Variants in CDKL4 observed in about 807,000 individuals in gnomAD.
CDKL4 encodes the protein cyclin dependent kinase like 4, also known as cyclin-dependent kinase-like 4.
In CDKL4, 44 loss-of-function variants were observed where a neutral mutation model predicts 42.0. The observed-to-expected ratio is 1.05, with a 90% CI of 0.82 to 1.35. CDKL4 has a LOEUF of 1.35. CDKL4 is among the 40% of genes most tolerant of loss of function. The pLI is 0.00. For missense variants in CDKL4, 393 were observed against 369.9 expected, an observed-to-expected ratio of 1.06 and a Z score of -0.51; for synonymous variants, 120 against 121.6, an observed-to-expected ratio of 0.99 and a Z score of 0.09.
downstream of CDKL4, among the ~76,000 whole-genome samples, chr2:39,174,241 CAA>C (rs1675079661): frequency 6.6e-6 from 1 of 151,696 alleles, no homozygotes; most frequent in South Asian, 2.1e-4. Flanking sequence ...CGTATCTCTA[CAA>C]AAAAAGTTAA....
intron 7 of CDKL4, among the ~76,000 whole-genome samples, chr2:39,187,144 A>C (rs1037461911): frequency 2.0e-5 from 3 of 152,082 alleles, no homozygotes; most frequent in African/African-American, 7.2e-5. Flanking sequence ...TAAAAGTAGC[A>C]GTTTTCCCTT....
At chr2:39,190,758 G>T (rs998627131) in intron 5 of CDKL4, among the ~76,000 whole-genome samples, 4 of 152,110 alleles carry the variant, frequency 2.6e-5, no homozygotes, top group Non-Finnish European at 5.9e-5. Flanking sequence ...GGGATGGGGG[G>T]AATGAGAATT....
chr2:39,242,183 C>A (rs1187631698), intron 1 of CDKL4, among the ~76,000 whole-genome samples: 1 of 151,958 alleles, frequency 6.6e-6, no homozygotes, highest in Non-Finnish European at 1.5e-5. Flanking sequence ...GTAGCTGAGA[C>A]TACAGGCATG....
intron 2 of CDKL4, among the ~76,000 whole-genome samples, chr2:39,228,554 C>T (rs1002415931): frequency 6.6e-6 from 1 of 152,192 alleles, no homozygotes; most frequent in Non-Finnish European, 1.5e-5. Flanking sequence ...GGTCTTGTCA[C>T]ATAATGTGTA....
chr2:39,219,968 A>G (rs943931615), intron 3 of CDKL4, among the ~76,000 whole-genome samples: 3 of 152,272 alleles, frequency 2.0e-5, no homozygotes, highest in African/African-American at 7.2e-5. Flanking sequence ...ACCCTAAAAG[A>G]ACCCCTTACT....
intron 5 of CDKL4, among the ~76,000 whole-genome samples, chr2:39,199,085 C>T (rs1414779310): frequency 6.6e-6 from 1 of 151,598 alleles, no homozygotes; most frequent in Non-Finnish European, 1.5e-5. Context: ...AATTGATAGG[C>T]CATTAGCAAG....
intron 5 of CDKL4, among the ~76,000 whole-genome samples, chr2:39,203,439 T>G (rs1233675201): frequency 6.6e-6 from 1 of 152,168 alleles, no homozygotes; most frequent in Non-Finnish European, 1.5e-5. Flanking sequence ...TGGTGGTATA[T>G]AATGGATTTC....
At chr2:39,245,116 C>T (rs1176427198), upstream of CDKL4, among the ~76,000 whole-genome samples, 1 of 152,208 alleles carries the variant, frequency 6.6e-6, no homozygotes, top group African/African-American at 2.4e-5. Flanking sequence ...TGGCAACACA[C>T]TCGGGTTCCT....
chr2:39,175,916 T>C (rs573337454), exon 10 of CDKL4: 1 of 416,298 alleles, frequency 2.4e-6, no homozygotes, highest in Non-Finnish European at 4.9e-6. Flanking sequence ...TCATTTGCAT[T>C]TGAAACACTG....
At chr2:39,169,761 T>C in the CDKL4 span, among the ~76,000 whole-genome samples, 2 of 152,164 alleles carry the variant, frequency 1.3e-5, no homozygotes, top group Non-Finnish European at 2.9e-5. Context: ...CCAGACCAAA[T>C]GATTTTTCTA....
At chr2:39,239,219 A>T (rs2148409652) in intron 1 of CDKL4, among the ~76,000 whole-genome samples, 1 of 152,306 alleles carries the variant, frequency 6.6e-6, no homozygotes, top group Non-Finnish European at 1.5e-5. Flanking sequence ...ATGGACAAAG[A>T]CCAAAATGTA....
At chr2:39,192,527 A>AT (rs1187190966) in intron 5 of CDKL4, among the ~76,000 whole-genome samples, 5 of 103,058 alleles carry the variant, frequency 4.9e-5, no homozygotes, top group Non-Finnish European at 8.8e-5. Flanking sequence ...TGCCTGGTTA[A>AT]TTTAAAAAAA....
chr2:39,188,772 C>T (rs773457419), intron 6 of CDKL4, among the ~76,000 whole-genome samples: 13 of 152,028 alleles, frequency 8.6e-5, no homozygotes, highest in Admixed American at 2.0e-4. Context: ...TCACTTCAGC[C>T]TCGATCTCCC....
intron 1 of CDKL4, among the ~76,000 whole-genome samples, chr2:39,242,220 A>AT (rs879935015): frequency 6.6e-5 from 10 of 151,916 alleles, no homozygotes; most frequent in Admixed American, 2.0e-4. Context: ...TAATGTTTGT[A>AT]TTTTTTGTAG....
rs142081455 is a variant in CDKL4 at position 39,199,913 on chromosome 2, C to T, written c.454+4614G>A. ...ATAGGGAAAAGTTGAAAGCATTTCC[C>T]CTGAGAACTGGAACAAGACAAGGAT... On this transcript the variant is annotated intron_variant, in intron 5 of 9. Transcript: ENST00000451199. Among the ~76,000 whole-genome samples, 693 of 152,046 alleles carry T rather than the reference C, an allele frequency of 4.6e-3. 3 individuals are homozygous for T. Among genetic ancestry groups the T allele is most frequent in the Admixed American group, 9.9e-3 (151 of 15,282 alleles).
At chr2:39,196,049 G>A (rs1402602556) in intron 5 of CDKL4, among the ~76,000 whole-genome samples, 3 of 152,128 alleles carry the variant, frequency 2.0e-5, no homozygotes, top group East Asian at 1.9e-4. Flanking sequence ...AAGGAGCTCT[G>A]AAGACAAAAG....
intron 4 of CDKL4, among the ~76,000 whole-genome samples, chr2:39,207,217 C>G (rs1434028756): frequency 6.6e-6 from 1 of 152,040 alleles, no homozygotes; most frequent in Non-Finnish European, 1.5e-5. Context: ...GAAACTCAGT[C>G]TCTACAAAAA....
At chr2:39,210,240 C>T (rs1677510761) in intron 4 of CDKL4, among the ~76,000 whole-genome samples, 3 of 152,204 alleles carry the variant, frequency 2.0e-5, no homozygotes, top group Admixed American at 2.0e-4. Context: ...ATCTGCCCAC[C>T]TCAACCTCCC....
At chr2:39,214,111 C>T (rs1474449986) in intron 3 of CDKL4, among the ~76,000 whole-genome samples, 5 of 151,876 alleles carry the variant, frequency 3.3e-5, no homozygotes, top group Middle Eastern at 3.2e-3. Flanking sequence ...TTAGTAGAGA[C>T]GGGGTTTTGT....
Sources: gnomAD v4.1 joint callset for allele counts (sites outside exome capture counted in the v4.1 genomes callset) on GRCh38, gnomAD v4.1.1 for gene constraint, MANE v1.5 for transcripts, NCBI Gene and HGNC (gene_info 2026-07-23, HGNC 2026-07-21) for gene names.